IL1A: variants seen among roughly 807,000 people sequenced by gnomAD.
IL1A encodes the protein interleukin 1 alpha, also known as interleukin-1 alpha.
IL1A carries 16 observed loss-of-function variants against 22.2 expected under a neutral mutation model. The ratio of observed to expected loss-of-function variants is 0.72; its 90% CI spans 0.49 to 1.09. IL1A has a LOEUF of 1.09. IL1A is among the 50% of genes least tolerant of loss of function. The pLI is 0.00. For synonymous variants in IL1A, 113 were observed against 118.5 expected (o/e 0.95, Z 0.30); for missense variants, 317 against 321.8 (o/e 0.99, Z 0.11).
intron 4 of IL1A, 127 bp from the exon 5 acceptor site, chr2:112,779,793 G>T: frequency 3.8e-6 from 2 of 525,032 alleles, no homozygotes; most frequent in East Asian, 3.3e-5. Context: ...AGATGAGGAA[G>T]CAAAGAGAAG....
intron 3 of IL1A, 84 bp from the exon 4 acceptor site, chr2:112,781,910 G>A: frequency 1.1e-6 from 1 of 905,274 alleles, no homozygotes; most frequent in Non-Finnish European, 1.8e-6. Flanking sequence ...ATTCAACAGA[G>A]GTAGTGAGGA....
chr2:112,782,537 C>A (rs1344196999), intron 3 of IL1A, among the ~76,000 whole-genome samples, 179 bp downstream of exon 3: 7 of 152,238 alleles, frequency 4.6e-5, no homozygotes, highest in African/African-American at 1.7e-4. Context: ...GAAGCCAATG[C>A]ACATCAACTA....
In IL1A at chr2:112,783,735, C is replaced by A; in HGVS notation, c.36G>T (p.Lys12Asn). Residue 12 changes from lysine to asparagine, a missense_variant, in exon 2 of 7, where the codon AAG (lysine) becomes AAT (asparagine). Physicochemically the swap from Lys to Asn is moderately conservative, Grantham distance 94. Coordinates refer to ENST00000263339, the MANE Select transcript of IL1A (RefSeq NM_000575.5). ...AKVPDMFEDL[K>N]NCYSENEEDS... ...ATCTTATTCCTTACCTGTAACAGTT[C>A]TTCAGGTCTTCAAACATGTCTGGAA... The A allele has an allele frequency of 2.5e-6, 4 of 1,613,158 alleles. No homozygotes were observed. The highest frequency in any genetic ancestry group is 3.4e-6 in the Non-Finnish European group (4 of 1,179,090).
intron 5 of IL1A, 54 bp from the exon 6 acceptor site, chr2:112,778,165 C>T (rs1348070246): frequency 6.8e-7 from 1 of 1,474,982 alleles, no homozygotes; most frequent in East Asian, 2.3e-5. Flanking sequence ...TGTATAAAAT[C>T]AAGTGTTGAT....
chr2:112,780,072 CA>C (rs1488884928), intron 4 of IL1A, among the ~76,000 whole-genome samples: 2 of 152,186 alleles, frequency 1.3e-5, no homozygotes, highest in Non-Finnish European at 2.9e-5. Context: ...CAAAGTGGCA[CA>C]TATCAATAGC....
chr2:112,775,765 T>TAC (rs1227365550), intron 6 of IL1A, among the ~76,000 whole-genome samples: 1 of 151,614 alleles, frequency 6.6e-6, no homozygotes, highest in East Asian at 1.9e-4. Flanking sequence ...CGCACACACA[T>TAC]ACACACACAC....
chr2:112,777,010 C>T (rs928147773), intron 6 of IL1A, among the ~76,000 whole-genome samples: 3 of 152,072 alleles, frequency 2.0e-5, no homozygotes, highest in Non-Finnish European at 4.4e-5. Flanking sequence ...GACCCGCCCC[C>T]TCCTGTCGGC....
At chr2:112,778,307 A>G (rs373990310) in intron 5 of IL1A, among the ~76,000 whole-genome samples, 196 bp from the exon 6 acceptor site, 220 of 151,898 alleles carry the variant, frequency 1.4e-3, no homozygotes, top group African/African-American at 5.1e-3. Context: ...TGTCCTTCAC[A>G]ATGTCTTCCA....
chr2:112,782,459 C>T (rs1681228569), intron 3 of IL1A, among the ~76,000 whole-genome samples: 1 of 152,200 alleles, frequency 6.6e-6, no homozygotes, highest in Non-Finnish European at 1.5e-5. Context: ...TAACTAACAT[C>T]CTGATGAAGC....
In IL1A at chr2:112,779,643, G is replaced by C. The variant is rs542058674; in HGVS notation, c.343C>G (p.Pro115Ala). 1.2e-6 allele frequency: 2 copies of C among 1,609,790 alleles called. No individual in the cohort carries two copies. The highest frequency in any genetic ancestry group is 2.2e-5 in the South Asian group (2 of 90,926). ...TTCACATTGCTCAGGAAGCTAAAAG[G>C]TGCTGACCTAGGCTTGATGATTTCT... ...EEEIIKPRSA[P>A]FSFLSNVKYN... Residue 115 changes from proline to alanine, a missense_variant, in exon 5 of 7, where the codon CCT becomes GCT. Pro to Ala is a conservative substitution (Grantham distance 27). Transcript: ENST00000263339.
chr2:112,779,679 T>C lies in IL1A; in HGVS notation c.320-13A>G, dbSNP rs774342219. 15 of 1,588,222 alleles carry C rather than the reference T, an allele frequency of 9.4e-6. No homozygotes were observed. Among genetic ancestry groups the C allele is most frequent in the Admixed American group, 1.7e-5 (1 of 59,612 alleles). On this transcript the variant is annotated splice_polypyrimidine_tract_variant and intron_variant, in intron 4 of 6. Transcript: ENST00000263339. ...GGCTTGATGATTTCTAAAACCATGA[T>C]CACAAGTGCAGATTAATGTCTATGT...
At chr2:112,780,302 G>A (rs917347831) in intron 4 of IL1A, among the ~76,000 whole-genome samples, 1 of 152,174 alleles carries the variant, frequency 6.6e-6, no homozygotes, top group Non-Finnish European at 1.5e-5. Context: ...AGACATATTT[G>A]TTCACATGTA....
intron 4 of IL1A, among the ~76,000 whole-genome samples, chr2:112,780,876 C>T (rs1161437317): frequency 3.3e-5 from 5 of 152,092 alleles, no homozygotes; most frequent in East Asian, 1.9e-4. Context: ...AAAAATTAGC[C>T]GGGAACAGTG....
chr2:112,776,136 G>A (rs953813980), intron 6 of IL1A, among the ~76,000 whole-genome samples: 9 of 151,950 alleles, frequency 5.9e-5, no homozygotes, highest in African/African-American at 2.2e-4. Flanking sequence ...CCCCATGACT[G>A]CTGTGAAACC....
At position 112,775,284 on chromosome 2, in the gene IL1A, A is replaced by G; in HGVS notation, c.616-17T>C. The stretch of plus-strand genomic sequence containing the variant: ...AGGCATCTCCTATGAAGAAAAGAAG[A>G]GAATTCTGTTAGAGAACAAGATGGT... On this transcript the variant is annotated splice_polypyrimidine_tract_variant and intron_variant, in intron 6 of 6. Transcript: ENST00000263339. The G allele has an allele frequency of 6.2e-7, 1 of 1,601,686 alleles. No individual in the cohort carries two copies. The highest frequency in any genetic ancestry group is 1.1e-5 in the South Asian group (1 of 90,784).
At chr2:112,782,636 A>C (rs1046317824) in intron 3 of IL1A, 80 bp downstream of exon 3, 2 of 1,026,770 alleles carry the variant, frequency 1.9e-6, no homozygotes, top group Non-Finnish European at 1.5e-6. Flanking sequence ...TTGAAGATTC[A>C]AGTCATTGCT....
At chr2:112,775,894 A>C (rs544052446) in intron 6 of IL1A, among the ~76,000 whole-genome samples, 1 of 152,232 alleles carries the variant, frequency 6.6e-6, no homozygotes, top group African/African-American at 2.4e-5. Context: ...ATAGATTTCA[A>C]ATTCCAAGTT....
intron 3 of IL1A, 57 bp from the exon 4 acceptor site, chr2:112,781,883 C>A: frequency 2.4e-6 from 3 of 1,229,948 alleles, no homozygotes; most frequent in South Asian, 1.2e-5. Context: ...AATGAAAGTT[C>A]TTTCAGTAGG....
chr2:112,781,496 G>T, intron 4 of IL1A, 108 bp downstream of exon 4: 1 of 867,388 alleles, frequency 1.2e-6, no homozygotes, highest in Non-Finnish European at 2.0e-6. Context: ...ACTAATGCTT[G>T]GTTGTCTTCT....
Sources: allele counts gnomAD v4.1 joint callset (sites outside exome capture counted in the v4.1 genomes callset), GRCh38; gene constraint gnomAD v4.1.1; transcripts MANE v1.5; gene names NCBI Gene and HGNC (gene_info 2026-07-23, HGNC 2026-07-21).